The following GALNT2 variants were observed in gnomAD, a reference collection of about 807,000 sequenced individuals.
The protein encoded by GALNT2 is UDP-GalNAc:polypeptide N-acetylgalactosaminyltransferase 2.
GALNT2 carries 31 observed loss-of-function variants against 81.4 expected under a neutral mutation model. That is an observed-to-expected ratio of 0.38 (90% CI 0.29 to 0.51). GALNT2 has a LOEUF of 0.51. GALNT2 is among the 20% of genes least tolerant of loss of function. GALNT2 has a pLI of 0.87. For synonymous variants in GALNT2, 303 were observed against 287.4 expected (o/e 1.05, Z -0.55); for missense variants, 629 against 765.7 (o/e 0.82, Z 2.11).
rs1327260314 is a variant in GALNT2, at chr1:230,070,050, A to G, written c.126+2644A>G. On this transcript the variant is annotated intron_variant, in intron 1 of 15. Coordinates refer to ENST00000366672, the MANE Select transcript of GALNT2 (RefSeq NM_004481.5). The surrounding 1 kb of genome is among the most constrained non-coding windows in gnomAD (Gnocchi z 4.7). ...ACTCATCACAGAACTGTTATTCTCC[A>G]CTTGGCAAAACCCAGAGAGCCAGCT... is the stretch of plus-strand genomic sequence containing the variant. Among the ~76,000 whole-genome samples the G allele has an allele frequency of 6.6e-6, 1 of 152,146 alleles. No homozygotes were observed. Among genetic ancestry groups the G allele is most frequent in the Non-Finnish European group, 1.5e-5 (1 of 68,028 alleles).
At chr1:230,119,804 T>G (rs913835313) in intron 1 of GALNT2, among the ~76,000 whole-genome samples, 1 of 152,222 alleles carries the variant, frequency 6.6e-6, no homozygotes, top group Admixed American at 6.5e-5. Context: ...CATTTGCATT[T>G]CAGCTTATTC....
At chr1:230,235,324 G>A (rs1277577453) in intron 3 of GALNT2, among the ~76,000 whole-genome samples, 2 of 151,942 alleles carry the variant, frequency 1.3e-5, no homozygotes, top group African/African-American at 4.8e-5. Flanking sequence ...TGCTTTGTAG[G>A]TCTGGCCTCT....
intron 3 of GALNT2, among the ~76,000 whole-genome samples, chr1:230,213,893 T>G (rs1664306916): frequency 6.6e-6 from 1 of 152,318 alleles, no homozygotes; most frequent in East Asian, 1.9e-4. Context: ...TTTAGCTTAA[T>G]TCTTTCTTTA....
At chr1:230,126,591 C>T (rs939219796) in intron 1 of GALNT2, among the ~76,000 whole-genome samples, 23 of 152,214 alleles carry the variant, frequency 1.5e-4, no homozygotes, top group Admixed American at 7.8e-4. Context: ...GAGAGTGGTT[C>T]AGAAGGCCAT....
At chr1:230,215,659 G>C (rs115066239) in intron 3 of GALNT2, among the ~76,000 whole-genome samples, 2 of 152,158 alleles carry the variant, frequency 1.3e-5, no homozygotes, top group Admixed American at 6.5e-5. Flanking sequence ...GCTTGAAGTT[G>C]GGATGTGTTG....
At chr1:230,258,839 C>T (rs1005762128) in intron 11 of GALNT2, 1 of 152,182 alleles carries the variant, frequency 6.6e-6, no homozygotes, top group South Asian at 2.1e-4. Flanking sequence ...CGCCCCACAC[C>T]AAAGCCATTG....
chr1:230,094,731 G>A (rs1660194528), intron 1 of GALNT2, among the ~76,000 whole-genome samples: 1 of 152,192 alleles, frequency 6.6e-6, no homozygotes, highest in South Asian at 2.1e-4. Context: ...ACTATTACAA[G>A]AGAAACAGAG....
At chr1:230,103,267 A>G (rs1660451902) in intron 1 of GALNT2, among the ~76,000 whole-genome samples, 1 of 152,230 alleles carries the variant, frequency 6.6e-6, no homozygotes, top group African/African-American at 2.4e-5. Context: ...AGTAACGTTC[A>G]TGGAATCTCA....
At chr1:230,219,361 G>T (rs1664479346) in intron 3 of GALNT2, among the ~76,000 whole-genome samples, 1 of 152,060 alleles carries the variant, frequency 6.6e-6, no homozygotes, top group Admixed American at 6.5e-5. Context: ...TGCCCTGGTT[G>T]CCTAATTCTG....
intron 1 of GALNT2, among the ~76,000 whole-genome samples, chr1:230,071,653 G>C (rs1659378747): frequency 6.6e-6 from 1 of 152,116 alleles, no homozygotes; most frequent in Non-Finnish European, 1.5e-5. Flanking sequence ...ATGCGGAGGG[G>C]AACACCCATA....
intron 1 of GALNT2, among the ~76,000 whole-genome samples, chr1:230,114,378 C>T (rs1279585787): frequency 3.3e-5 from 5 of 152,216 alleles, no homozygotes; most frequent in Admixed American, 6.5e-5. Context: ...AAATCTCATC[C>T]TTTGTCACTT....
intron 1 of GALNT2, among the ~76,000 whole-genome samples, chr1:230,164,938 G>C (rs909235473): frequency 9.9e-5 from 15 of 152,282 alleles, no homozygotes; most frequent in Admixed American, 9.2e-4. Flanking sequence ...CCTGTTTCTA[G>C]AAACAGCTTT....
chr1:230,274,969 C>CAT (rs34483531), intron 15 of GALNT2, among the ~76,000 whole-genome samples: 8,563 of 142,518 alleles, frequency 0.06, 475 homozygotes, highest in East Asian at 0.3. Flanking sequence ...ATACACACCA[C>CAT]ATATATATAC....
intron 1 of GALNT2, among the ~76,000 whole-genome samples, chr1:230,116,544 A>G (rs1023110419): frequency 6.6e-6 from 1 of 152,186 alleles, no homozygotes; most frequent in Admixed American, 6.5e-5. Context: ...TGTATTTCTT[A>G]AACAAGACTT....
intron 1 of GALNT2, among the ~76,000 whole-genome samples, chr1:230,168,760 A>G (rs1662693616): frequency 6.6e-6 from 1 of 152,218 alleles, no homozygotes; most frequent in Non-Finnish European, 1.5e-5. Flanking sequence ...GTTCCTATAT[A>G]TATCATACCA....
At chr1:230,256,372 G>C (rs1396588911) in intron 11 of GALNT2, among the ~76,000 whole-genome samples, 2 of 152,034 alleles carry the variant, frequency 1.3e-5, no homozygotes, top group South Asian at 4.2e-4. Flanking sequence ...CTTGAACTCG[G>C]GAGGTGGAGT....
chr1:230,076,581 A>G (rs1268446914), intron 1 of GALNT2, among the ~76,000 whole-genome samples: 1 of 152,134 alleles, frequency 6.6e-6, no homozygotes, highest in Non-Finnish European at 1.5e-5. Flanking sequence ...ATAGTATTGT[A>G]CTTGGGGACA....
chr1:230,108,848 G>A (rs1392310160), intron 1 of GALNT2, among the ~76,000 whole-genome samples: 3 of 152,204 alleles, frequency 2.0e-5, no homozygotes, highest in East Asian at 1.9e-4. Context: ...CTATCCGACC[G>A]CATATCGCTA....
In GALNT2 at chr1:230,275,585, A is replaced by G. The variant is rs939180801; in HGVS notation, c.1560+1021A>G. ...ATATATACATATAAACACACCATATATATACATATAGATACATGCTACATT... is the reference window on the plus strand; with the variant it reads ...ATATATACATATAAACACACCATATGTATACATATAGATACATGCTACATT... On this transcript the variant is annotated intron_variant, in intron 15 of 15. Transcript: ENST00000366672. This position sits in a 1 kb window ranked among gnomAD's most constrained non-coding sequence, Gnocchi z 5.5. Among the ~76,000 whole-genome samples the G allele has an allele frequency of 6.6e-6, 1 of 151,542 alleles. No individual in the cohort carries two copies. The highest frequency in any genetic ancestry group is 2.4e-5 in the African/African-American group (1 of 41,284).
Sources: gnomAD v4.1 joint callset for allele counts (sites outside exome capture counted in the v4.1 genomes callset) on GRCh38, gnomAD v4.1.1 for gene constraint, Gnocchi (gnomAD v3.1) non-coding constraint, MANE v1.5 for transcripts, NCBI Gene and HGNC (gene_info 2026-07-23, HGNC 2026-07-21) for gene names.